Variants in AFG3L2 observed in about 807,000 individuals in gnomAD.
The protein encoded by AFG3L2 is AFG3 like matrix AAA peptidase subunit 2.
A neutral mutation model predicts 94.5 loss-of-function variants in AFG3L2; 54 were observed. That is an observed-to-expected ratio of 0.57 (90% CI 0.46 to 0.72). The LOEUF (loss-of-function observed/expected upper bound fraction) is 0.72. Ranked by LOEUF, AFG3L2 falls within the 30% of genes least tolerant of loss-of-function variation. AFG3L2 has a pLI of 0.00. For synonymous variants in AFG3L2, 377 were observed against 365.5 expected, an observed-to-expected ratio of 1.03 and a Z score of -0.36; for missense variants, 754 against 994.9, an observed-to-expected ratio of 0.76 and a Z score of 3.26.
At chr18:12,331,725 C>T (rs1211065122) in intron 16 of AFG3L2, among the ~76,000 whole-genome samples, 2 of 151,752 alleles carry the variant, frequency 1.3e-5, no homozygotes, top group Non-Finnish European at 2.9e-5. Context: ...ACCCAGGAGG[C>T]GGAGGTTGCA....
rs907054896 is a variant in AFG3L2 at position 12,340,546 on chromosome 18, G to A, written c.1780-145C>T. On this transcript the variant is annotated intron_variant, in intron 14 of 16. Transcript: ENST00000269143. ...AGCCTTAGTGGGATGTGATCTAGCA[G>A]TGACTGCTCAGGAGGAGTATTTTCT... is the stretch of plus-strand genomic sequence containing the variant. 40 of 735,504 alleles carry A rather than the reference G, an allele frequency of 5.4e-5. 1 individual carries two copies. Among genetic ancestry groups the A allele is most frequent in the South Asian group, 4.7e-4 (32 of 68,738 alleles). The allele number at this position is 735,504 out of a possible 1,614,324, so 45.6% of individuals were successfully genotyped here. A position where few individuals can be genotyped will look rare whatever the true frequency, so the allele number is the denominator to read the frequency against.
At chr18:12,336,066 G>A (rs566327386) in intron 16 of AFG3L2, among the ~76,000 whole-genome samples, 2 of 152,302 alleles carry the variant, frequency 1.3e-5, no homozygotes, top group South Asian at 2.1e-4. Flanking sequence ...CCGGGTGTGG[G>A]CCAAGCTAGC....
intron 16 of AFG3L2, 181 bp from the exon 17 acceptor site, chr18:12,329,964 G>A: frequency 1.6e-6 from 1 of 622,306 alleles, no homozygotes; most frequent in Non-Finnish European, 2.8e-6. Flanking sequence ...AGCAACCAAT[G>A]TCCATCTGTA....
chr18:12,358,539 G>C, intron 8 of AFG3L2, 131 bp downstream of exon 8: 1 of 1,212,676 alleles, frequency 8.2e-7, no homozygotes. Context: ...TTGGGCAGAG[G>C]CTAGCCTAGT....
chr18:12,351,674 G>A (rs1186702581), intron 10 of AFG3L2, among the ~76,000 whole-genome samples: 1 of 151,826 alleles, frequency 6.6e-6, no homozygotes, highest in Non-Finnish European at 1.5e-5. Context: ...AGCCTCCCGA[G>A]TAGCTGGGAT....
rs193027839 is a variant in AFG3L2 at position 12,375,393 on chromosome 18, G to A, written c.114+1576C>T. 8.9e-5 allele frequency among the ~76,000 whole-genome samples: 13 copies of A among 146,576 alleles called. No individual in the cohort carries two copies. In the Admixed American group the frequency reaches 9.0e-4, roughly 10 times the overall value. Reference sequence around the variant, plus strand: ...CGAGTTGCTGGGACTATAGTCATAAGTCACTGAGCCCAGGTAAGAAAAAAA... The same window carrying A: ...CGAGTTGCTGGGACTATAGTCATAAATCACTGAGCCCAGGTAAGAAAAAAA... On this transcript the variant is annotated intron_variant, in intron 1 of 16. Coordinates refer to ENST00000269143, the MANE Select transcript of AFG3L2 (RefSeq NM_006796.3).
intron 10 of AFG3L2, among the ~76,000 whole-genome samples, chr18:12,352,002 T>C (rs556351986): frequency 3.8e-4 from 58 of 152,302 alleles, no homozygotes; most frequent in African/African-American, 1.4e-3. Flanking sequence ...TAACAGATAA[T>C]GTCAATTTTA....
intron 14 of AFG3L2, chr18:12,343,907 G>A (rs1450545043): frequency 1.7e-5 from 10 of 574,170 alleles, no homozygotes; most frequent in East Asian, 8.9e-5. Context: ...TCCAGCTCTC[G>A]CCTGCTTTTG....
In AFG3L2 at chr18:12,356,793, C is replaced by T. The variant is rs139181972; in HGVS notation, c.1065G>A (p.Thr355=). 1.9e-4 allele frequency: 304 copies of T among 1,614,060 alleles called. 1 individual carries two copies. Among genetic ancestry groups the T allele is most frequent in the Non-Finnish European group, 2.5e-4 (292 of 1,180,042 alleles). ...CTCCGGCTGTGGCCTTAGCTAGCAG[C>T]GTCTTCCCAGTGCCTGGAGGACCAG... ...ILTGPPGTGK[T]LLAKATAGEA... is the part of the protein sequence containing the mutation. The change falls in exon 9 of 17, where the codon ACG becomes ACA. Residue 355 remains threonine, a synonymous_variant. Transcript: ENST00000269143.
chr18:12,329,158 G>A lies in AFG3L2; in HGVS notation c.*407C>T, dbSNP rs1907427645. On this transcript the variant is annotated 3_prime_UTR_variant, in exon 17 of 17. Coordinates refer to ENST00000269143, the MANE Select transcript of AFG3L2 (RefSeq NM_006796.3). ...TTTAATTTCACAGCCCATCTGCACAGGGGAACTGAGGAGAAACAGGAATGA... is the reference window on the plus strand; with the variant it reads ...TTTAATTTCACAGCCCATCTGCACAAGGGAACTGAGGAGAAACAGGAATGA... The A allele has an allele frequency of 1.4e-6, 1 of 702,980 alleles. No homozygotes were observed. Among genetic ancestry groups the A allele is most frequent in the Non-Finnish European group, 2.6e-6 (1 of 385,008 alleles). The allele number at this position is 702,980 out of a possible 1,614,324, so 43.5% of individuals were successfully genotyped here.
Position 12,351,549 on chromosome 18 carries a change from G to GT in AFG3L2, c.1319-137dup, listed in dbSNP as rs34791958. On this transcript the variant is annotated intron_variant, in intron 10 of 16. Coordinates refer to ENST00000269143, the MANE Select transcript of AFG3L2 (RefSeq NM_006796.3). ...TTCTATTCATTATCTAGTGTTTTTTGTTTTTTTTTTTTTTGAGACGGAGTT... is the reference window on the plus strand; with the variant it reads ...TTCTATTCATTATCTAGTGTTTTTTGTTTTTTTTTTTTTTTGAGACGGAGTT... 124,141 of 533,250 alleles carry GT rather than the reference G, an allele frequency of 0.23. 62 individuals carry two copies. Among genetic ancestry groups the GT allele is most frequent in the South Asian group, 0.32 (12,386 of 38,994 alleles). 33.0% of individuals were successfully genotyped at this position (533,250 alleles called of 1,614,324 possible).
chr18:12,356,621 T>C, intron 9 of AFG3L2, 73 bp downstream of exon 9: 1 of 1,606,052 alleles, frequency 6.2e-7, no homozygotes, highest in East Asian at 2.2e-5. Flanking sequence ...GGGCCATCTC[T>C]AGCAAGTGCC....
chr18:12,337,164 A>G (rs1373046361), intron 16 of AFG3L2, 177 bp downstream of exon 16: 10 of 669,478 alleles, frequency 1.5e-5, no homozygotes, highest in Non-Finnish European at 2.7e-5. Context: ...TCTGCTCACC[A>G]CATTGCAACC....
At chr18:12,346,611 C>CCAT (rs1044224882) in intron 13 of AFG3L2, among the ~76,000 whole-genome samples, 3 of 152,054 alleles carry the variant, frequency 2.0e-5, no homozygotes, top group Admixed American at 2.0e-4. Context: ...TCCTAAAATA[C>CCAT]CATCGATCAT....
At chr18:12,359,775 A>G in intron 7 of AFG3L2, 152 bp downstream of exon 7, 5 of 992,022 alleles carry the variant, frequency 5.0e-6, no homozygotes, top group Non-Finnish European at 6.0e-6. Context: ...TCATGCAAAA[A>G]CTAGTGAGTT....
rs750583908 is a variant in AFG3L2, at chr18:12,377,164, G to A, written c.-82C>T. The A allele has an allele frequency of 2.6e-6, 3 of 1,132,726 alleles. No homozygotes were observed. The highest frequency in any genetic ancestry group is 3.0e-5 in the South Asian group (2 of 66,694). The allele number at this position is 1,132,726 out of a possible 1,614,324, so 70.2% of individuals were successfully genotyped here. A position where few individuals can be genotyped will look rare whatever the true frequency, so the allele number is the denominator to read the frequency against. On this transcript the variant is annotated 5_prime_UTR_variant, in exon 1 of 17. Transcript: ENST00000269143. ...ACTGGCGGCCTCGGGAAGCGGGCTCGGCTCGGGGAAAGGCCGCCAGGCAGC... is the reference window on the plus strand; with the variant it reads ...ACTGGCGGCCTCGGGAAGCGGGCTCAGCTCGGGGAAAGGCCGCCAGGCAGC...
chr18:12,339,052 G>A (rs1170973130), intron 15 of AFG3L2, among the ~76,000 whole-genome samples: 1 of 150,634 alleles, frequency 6.6e-6, no homozygotes, highest in African/African-American at 2.4e-5. Flanking sequence ...CAGGAGACAA[G>A]ACCATCCTGG....
At chr18:12,360,591 TG>T (rs749291525) in intron 6 of AFG3L2, among the ~76,000 whole-genome samples, 3 of 152,210 alleles carry the variant, frequency 2.0e-5, no homozygotes, top group Non-Finnish European at 4.4e-5. Flanking sequence ...ACTGTGCAAC[TG>T]GAACAGATGC....
chr18:12,333,109 C>CTGT (rs2143092229), intron 16 of AFG3L2, among the ~76,000 whole-genome samples: 2 of 48,486 alleles, frequency 4.1e-5, no homozygotes, highest in African/African-American at 1.3e-4. Flanking sequence ...TATTATATAA[C>CTGT]TATTATATAA....
Sources: gnomAD v4.1 joint callset for allele counts (sites outside exome capture counted in the v4.1 genomes callset) on GRCh38, gnomAD v4.1.1 for gene constraint, MANE v1.5 for transcripts, NCBI Gene and HGNC (gene_info 2026-07-23, HGNC 2026-07-21) for gene names.